Variants in TBC1D20 observed in about 807,000 individuals in gnomAD.
TBC1D20 encodes the protein TBC1 domain family member 20.
Under a neutral mutation model 41.6 loss-of-function variants are expected in TBC1D20, and 12 were observed. The ratio of observed to expected loss-of-function variants is 0.29; its 90% confidence interval spans 0.18 to 0.47. The LOEUF (loss-of-function observed/expected upper bound fraction) is 0.47, where lower values mean the gene tolerates loss of function less well. Ranked by LOEUF, TBC1D20 falls within the 20% of genes least tolerant of loss-of-function variation. The pLI is 1.00. For synonymous variants in TBC1D20, 205 were observed against 204.8 expected (o/e 1.00, Z -0.01); for missense variants, 421 against 517.4 (o/e 0.81, Z 1.81).
chr20:457,444 A>G (rs2017562058), intron 1 of TBC1D20, among the ~76,000 whole-genome samples: 1 of 150,774 alleles, frequency 6.6e-6, no homozygotes, highest in Non-Finnish European at 1.5e-5. Flanking sequence ...CTGATCTTGA[A>G]CTCCTGGGCT....
chr20:453,718 T>A (rs1216587840), intron 1 of TBC1D20, among the ~76,000 whole-genome samples: 1 of 145,082 alleles, frequency 6.9e-6, no homozygotes, highest in South Asian at 2.3e-4. Flanking sequence ...GCTAATTTTT[T>A]TTTTTGTATT....
chr20:446,101 C>A (rs1208919450), intron 2 of TBC1D20, among the ~76,000 whole-genome samples: 1 of 152,258 alleles, frequency 6.6e-6, no homozygotes, highest in Admixed American at 6.5e-5. Flanking sequence ...CTAATATTTG[C>A]CAACTGAAAG....
rs182043635 is a variant in TBC1D20 at position 453,141 on chromosome 20, G to A, written c.71-5067C>T. On this transcript the variant is annotated intron_variant, in intron 1 of 7. Coordinates refer to ENST00000354200, the MANE Select transcript of TBC1D20 (RefSeq NM_144628.4). The stretch of plus-strand genomic sequence containing the variant: ...GCACTCCAGCCTGGGCAACAAGAGC[G>A]AAACTCCGTTTCAAAAAAAAAAAAA... Among the ~76,000 whole-genome samples, 104 of 86,196 alleles carry A rather than the reference G, an allele frequency of 1.2e-3. 1 individual carries two copies. The East Asian group carries it at 0.04, about 33-fold the overall frequency. 56.5% of individuals were successfully genotyped at this position (86,196 alleles called of 152,430 possible). A position where few individuals can be genotyped will look rare whatever the true frequency, so the allele number is the denominator to read the frequency against.
intron 1 of TBC1D20, among the ~76,000 whole-genome samples, chr20:459,217 G>A (rs2017591197): frequency 6.6e-6 from 1 of 152,162 alleles, no homozygotes; most frequent in Non-Finnish European, 1.5e-5. Context: ...CTATTCTTGG[G>A]ATGTTCAGGA....
intron 1 of TBC1D20, among the ~76,000 whole-genome samples, chr20:452,063 C>G (rs781572951): frequency 6.0e-4 from 92 of 152,118 alleles, no homozygotes; most frequent in Non-Finnish European, 5.1e-4. Context: ...AATCCCAGCA[C>G]TTTGGGAGGC....
At chr20:456,571 CT>C (rs11475018) in intron 1 of TBC1D20, among the ~76,000 whole-genome samples, 8,327 of 150,158 alleles carry the variant, frequency 0.055, 247 homozygotes, top group African/African-American at 0.078. Context: ...TTTTCTTCTT[CT>C]TTTTTTTTGA....
intron 2 of TBC1D20, among the ~76,000 whole-genome samples, chr20:446,313 C>T (rs1173314897): frequency 1.3e-5 from 2 of 152,136 alleles, no homozygotes; most frequent in Admixed American, 1.3e-4. Flanking sequence ...TTTAGAACTC[C>T]AAAGGATTTC....
intron 1 of TBC1D20, among the ~76,000 whole-genome samples, chr20:452,287 C>T (rs536665521): frequency 3.3e-5 from 5 of 151,522 alleles, no homozygotes; most frequent in Non-Finnish European, 5.9e-5. Flanking sequence ...AGCCTGGGCG[C>T]GACATAGCGA....
At chr20:452,241 A>G (rs2017457538) in intron 1 of TBC1D20, among the ~76,000 whole-genome samples, 1 of 152,238 alleles carries the variant, frequency 6.6e-6, no homozygotes, top group Non-Finnish European at 1.5e-5. Context: ...CCGGTGGCAG[A>G]GGCTGGAGTG....
chr20:438,519 C>T lies in TBC1D20; in HGVS notation c.*67G>A. 2.0e-6 allele frequency: 3 copies of T among 1,537,654 alleles called. No homozygotes were observed. Among genetic ancestry groups the T allele is most frequent in the South Asian group, 2.4e-5 (2 of 83,952 alleles). On this transcript the variant is annotated 3_prime_UTR_variant, in exon 8 of 8. Coordinates refer to ENST00000354200, the MANE Select transcript of TBC1D20 (RefSeq NM_144628.4). ...ACCCTTTTAATAAAGGAAATTCCAC[C>T]CCTCCCAATCCTTCCATGGAAGGGT...
chr20:449,215 C>T (rs543019930), intron 1 of TBC1D20, among the ~76,000 whole-genome samples: 36 of 122,488 alleles, frequency 2.9e-4, no homozygotes, highest in Admixed American at 6.1e-4. Context: ...TGCAGTGGCA[C>T]GATCTCGGCT....
At chr20:441,516 G>C in intron 5 of TBC1D20, 72 bp downstream of exon 5, 1 of 1,326,306 alleles carries the variant, frequency 7.5e-7, no homozygotes, top group Non-Finnish European at 1.1e-6. Flanking sequence ...CTCGGCTTGT[G>C]AGGAGTGTTT....
chr20:440,151 G>A, intron 6 of TBC1D20, 97 bp downstream of exon 6: 9 of 1,471,826 alleles, frequency 6.1e-6, no homozygotes, highest in Admixed American at 2.1e-5. Flanking sequence ...GCTGTCTTTT[G>A]CATCTTTCCA....
chr20:442,459 ACT>A (rs1326463634), intron 3 of TBC1D20, among the ~76,000 whole-genome samples: 1 of 152,242 alleles, frequency 6.6e-6, no homozygotes, highest in African/African-American at 2.4e-5. Context: ...GAGAAATTTA[ACT>A]CTCATACAAT....
intron 1 of TBC1D20, among the ~76,000 whole-genome samples, chr20:456,007 G>A (rs1009026620): frequency 7.9e-5 from 12 of 152,068 alleles, no homozygotes; most frequent in African/African-American, 2.9e-4. Context: ...TAGTCCAGAC[G>A]TGGCTCATGC....
At chr20:459,474 T>G (rs781190221) in intron 1 of TBC1D20, among the ~76,000 whole-genome samples, 15 of 152,198 alleles carry the variant, frequency 9.9e-5, no homozygotes, top group Non-Finnish European at 1.5e-4. Context: ...AATTCCTTTA[T>G]AGTAGAGGTC....
At chr20:462,306 C>A (rs990498613) in intron 1 of TBC1D20, 30 bp downstream of exon 1, 1 of 1,270,546 alleles carries the variant, frequency 7.9e-7, no homozygotes, top group Non-Finnish European at 1.0e-6. Context: ...CCTCGCAGGC[C>A]GCTCCCGGCG....
rs775667595 is a variant in TBC1D20, at chr20:448,080, G to C, written c.71-6C>G. The C allele has an allele frequency of 6.2e-7, 1 of 1,608,766 alleles. No individual in the cohort carries two copies. The highest frequency in any genetic ancestry group is 1.1e-5 in the South Asian group (1 of 90,964). On this transcript the variant is annotated splice_region_variant and splice_polypyrimidine_tract_variant and intron_variant, in intron 1 of 7. Transcript: ENST00000354200. ...TTTCCTTTTGGCGTTAAAGTCTGAA[G>C]ATAAGGATAGGGAAGAATTAGGCGC...
At chr20:444,948 G>T in intron 3 of TBC1D20, 102 bp downstream of exon 3, 1 of 1,003,644 alleles carries the variant, frequency 1.0e-6, no homozygotes, top group Non-Finnish European at 1.5e-6. Flanking sequence ...GGAGAGCTCT[G>T]AAGGTCCCTG....
Sources: gnomAD v4.1 joint callset for allele counts (sites outside exome capture counted in the v4.1 genomes callset) on GRCh38, gnomAD v4.1.1 for gene constraint, MANE v1.5 for transcripts, NCBI Gene and HGNC (gene_info 2026-07-23, HGNC 2026-07-21) for gene names.